The following ATIC variants were observed in gnomAD, a reference collection of about 807,000 sequenced individuals.
ATIC encodes bifunctional purine biosynthesis protein ATIC.
ATIC carries 64 observed loss-of-function variants against 72.5 expected under a neutral mutation model. The ratio of observed to expected loss-of-function variants is 0.88; its 90% CI spans 0.72 to 1.09. ATIC has a LOEUF of 1.09. Among genes scored for constraint, ATIC ranks in the 50% least tolerant of loss-of-function variants. ATIC has a pLI of 0.00. For missense variants in ATIC, 787 were observed against 732.4 expected, an observed-to-expected ratio of 1.07 and a Z score of -0.86; for synonymous variants, 281 against 267.1, an observed-to-expected ratio of 1.05 and a Z score of -0.51.
chr2:215,318,452 T>C (rs1476205058), intron 3 of ATIC, among the ~76,000 whole-genome samples: 1 of 152,240 alleles, frequency 6.6e-6, no homozygotes, highest in African/African-American at 2.4e-5. Context: ...CTCTGCTTGC[T>C]ATTAGTCCTG....
At chr2:215,327,761 G>A (rs982658383) in intron 7 of ATIC, among the ~76,000 whole-genome samples, 2 of 152,132 alleles carry the variant, frequency 1.3e-5, no homozygotes, top group Non-Finnish European at 2.9e-5. Flanking sequence ...GTGAGGGGGT[G>A]CAGCCTGGGC....
chr2:215,348,129 A>G (rs1386862960), intron 14 of ATIC, among the ~76,000 whole-genome samples: 1 of 152,180 alleles, frequency 6.6e-6, no homozygotes, highest in Non-Finnish European at 1.5e-5. Flanking sequence ...AACTTTCTAA[A>G]GGCCTTATAC....
the ATIC span, chr2:215,365,374 A>G: frequency 1.0e-6 from 1 of 1,000,480 alleles, no homozygotes; most frequent in South Asian, 1.3e-5. Context: ...AAATCAAAAG[A>G]TTAAGAAACC....
intron 10 of ATIC, 124 bp downstream of exon 10, chr2:215,335,128 C>A: frequency 4.1e-6 from 2 of 489,006 alleles, no homozygotes; most frequent in Non-Finnish European, 6.7e-6. Flanking sequence ...CTAAGTTTAT[C>A]ATTTAATGTT....
chr2:215,346,785 G>A lies in ATIC; in HGVS notation c.1347G>A (p.Gln449=). The A allele has an allele frequency of 1.2e-6, 2 of 1,614,162 alleles. No individual in the cohort carries two copies. Among genetic ancestry groups the A allele is most frequent in the Non-Finnish European group, 1.7e-6 (2 of 1,180,032 alleles). ...TTATCGGCATTGGAGCAGGACAGCA[G>A]TCTCGTATACACTGCACTCGCCTTG... The part of the protein sequence containing the change: ...GQVIGIGAGQ[Q]SRIHCTRLAG... The change falls in exon 14 of 16, where the codon CAG becomes CAA. Residue 449 remains glutamine, a synonymous_variant. Transcript: ENST00000236959.
At chr2:215,360,602 G>A in the ATIC span, 8 of 152,252 alleles carry the variant, frequency 5.3e-5, no homozygotes, top group Admixed American at 2.0e-4. Flanking sequence ...ACTTCTGAAC[G>A]GTAAACTAGC....
chr2:215,351,891 C>T (rs972106476), downstream of ATIC, among the ~76,000 whole-genome samples: 1 of 152,184 alleles, frequency 6.6e-6, no homozygotes, highest in African/African-American at 2.4e-5. Context: ...CTAGGAAATA[C>T]CTCAAAATAG....
chr2:215,364,968 C>A, the ATIC span: 1 of 1,578,922 alleles, frequency 6.3e-7, no homozygotes, highest in Non-Finnish European at 8.6e-7. Flanking sequence ...TTCCCATCAT[C>A]ATAACACGTT....
At chr2:215,344,752 C>G in intron 12 of ATIC, 27 bp from the exon 13 acceptor site, 1 of 1,599,508 alleles carries the variant, frequency 6.3e-7, no homozygotes, top group Non-Finnish European at 8.6e-7. Flanking sequence ...AGGCCCCATG[C>G]AATTTACCAT....
At chr2:215,348,520 T>G (rs1461774715) in intron 14 of ATIC, among the ~76,000 whole-genome samples, 5 of 152,334 alleles carry the variant, frequency 3.3e-5, no homozygotes, top group Admixed American at 3.3e-4. Flanking sequence ...CATATGTACT[T>G]GGAATAAACT....
At chr2:215,323,133 G>C (rs894025732) in intron 4 of ATIC, among the ~76,000 whole-genome samples, 1 of 152,096 alleles carries the variant, frequency 6.6e-6, no homozygotes, top group African/African-American at 2.4e-5. Flanking sequence ...TTTTAGTAGA[G>C]ACAGGGTTTC....
chr2:215,355,563 G>A, the ATIC span, among the ~76,000 whole-genome samples: 16 of 152,296 alleles, frequency 1.1e-4, no homozygotes, highest in African/African-American at 3.8e-4. Context: ...TCAGAGCACA[G>A]AACCCTGCAG....
intron 6 of ATIC, 88 bp from the exon 7 acceptor site, chr2:215,326,734 G>C: frequency 6.7e-7 from 1 of 1,502,416 alleles, no homozygotes; most frequent in South Asian, 1.1e-5. Context: ...ATAGTGAGGA[G>C]ATGTTGTTTG....
chr2:215,335,894 G>A (rs2052948438), intron 10 of ATIC, 141 bp from the exon 11 acceptor site: 1 of 658,048 alleles, frequency 1.5e-6, no homozygotes, highest in East Asian at 2.8e-5. Context: ...CTCTTTTCAA[G>A]TATAGCGTTA....
the ATIC span, chr2:215,364,245 G>C: frequency 1.2e-5 from 2 of 170,062 alleles, no homozygotes; most frequent in South Asian, 1.5e-4. Context: ...CCTATAACAA[G>C]CATCTGTTCT....
chr2:215,329,902 C>T (rs563372848), intron 7 of ATIC, among the ~76,000 whole-genome samples: 4 of 139,172 alleles, frequency 2.9e-5, no homozygotes, highest in Non-Finnish European at 4.9e-5. Context: ...GTTGGGATTA[C>T]AGGCATGTAC....
chr2:215,353,781 C>T (rs1205910805), downstream of ATIC, among the ~76,000 whole-genome samples: 2 of 151,918 alleles, frequency 1.3e-5, no homozygotes, highest in Non-Finnish European at 2.9e-5. Context: ...AGGCTGGTCT[C>T]GAACTCCTGA....
At chr2:215,331,955 T>G (rs978979594) in intron 7 of ATIC, among the ~76,000 whole-genome samples, 1 of 152,188 alleles carries the variant, frequency 6.6e-6, no homozygotes, top group Non-Finnish European at 1.5e-5. Context: ...ATTTCTTACA[T>G]CGATAGGGTT....
the ATIC span, among the ~76,000 whole-genome samples, chr2:215,355,139 C>T: frequency 2.6e-5 from 4 of 152,090 alleles, no homozygotes; most frequent in Admixed American, 1.3e-4. Context: ...CTGGGTTCCT[C>T]ATATTTTGCT....
Sources: gnomAD v4.1 joint callset for allele counts (sites outside exome capture counted in the v4.1 genomes callset) on GRCh38, gnomAD v4.1.1 for gene constraint, MANE v1.5 for transcripts, NCBI Gene and HGNC (gene_info 2026-07-23, HGNC 2026-07-21) for gene names.